Variants in RORA observed in about 807,000 individuals in gnomAD.
The protein encoded by RORA is RAR related orphan receptor A.
A neutral mutation model predicts 69.5 loss-of-function variants in RORA; 7 were observed. The ratio of observed to expected loss-of-function variants is 0.10; its 90% CI spans 0.06 to 0.19. The LOEUF (loss-of-function observed/expected upper bound fraction) is 0.19, where lower values mean the gene tolerates loss of function less well. Among genes scored for constraint, RORA ranks in the 10% least tolerant of loss-of-function variants. The pLI, the probability that RORA is intolerant of heterozygous loss-of-function variation, is 1.00. For synonymous variants in RORA, 261 were observed against 240.8 expected (o/e 1.08, Z -0.78); for missense variants, 457 against 663.0 (o/e 0.69, Z 3.41).
chr15:60,994,732 A>C (rs1294251618), intron 1 of RORA, among the ~76,000 whole-genome samples: 1 of 152,224 alleles, frequency 6.6e-6, no homozygotes, highest in East Asian at 1.9e-4. Context: ...ACTGTAGGTG[A>C]GATTGAAACC....
At chr15:60,849,084 T>G (rs1199609459) in intron 1 of RORA, 1 of 152,244 alleles carries the variant, frequency 6.6e-6, no homozygotes, top group Non-Finnish European at 1.5e-5. Context: ...GCTCCTCTAT[T>G]CCATCCTTCT....
intron 1 of RORA, among the ~76,000 whole-genome samples, chr15:61,184,817 C>CA (rs1267538902): frequency 1.3e-5 from 2 of 151,504 alleles, no homozygotes; most frequent in African/African-American, 4.9e-5. Flanking sequence ...GAGACCCCTA[C>CA]AAAAAATAAA....
chr15:60,805,848 C>G (rs574501183), intron 1 of RORA, among the ~76,000 whole-genome samples: 1 of 152,264 alleles, frequency 6.6e-6, no homozygotes, highest in South Asian at 2.1e-4. Context: ...TTCCAAAGAC[C>G]CTTTTATAGC....
intron 1 of RORA, among the ~76,000 whole-genome samples, chr15:60,895,219 C>T (rs370551503): frequency 6.6e-6 from 1 of 152,080 alleles, no homozygotes; most frequent in Non-Finnish European, 1.5e-5. Flanking sequence ...AGAAAGCGAA[C>T]GGAAGATCCA....
rs1295109574 is a variant in RORA at position 61,061,089 on chromosome 15, C to T, written c.166+167964G>A. Among the ~76,000 whole-genome samples the T allele has an allele frequency of 3.9e-5, 6 of 152,126 alleles. No individual in the cohort carries two copies. The highest frequency in any genetic ancestry group is 6.6e-5 in the Admixed American group (1 of 15,264). On this transcript the variant is annotated intron_variant, in intron 1 of 10. Coordinates refer to ENST00000335670, the MANE Select transcript of RORA (RefSeq NM_134261.3). The surrounding 1 kb of genome is among the most constrained non-coding windows in gnomAD (Gnocchi z 4.4). ...ATTGCAAGGGCTGGGCGCGGTGGCT[C>T]GTGCCTGTAATCCCAGCACTTTGGG... is the stretch of plus-strand genomic sequence containing the variant.
At chr15:60,596,991 C>T (rs2068680336) in intron 2 of RORA, among the ~76,000 whole-genome samples, 1 of 152,120 alleles carries the variant, frequency 6.6e-6, no homozygotes, top group Admixed American at 6.5e-5. Flanking sequence ...GACAGTAGCC[C>T]TGATTTTGAG....
intron 1 of RORA, among the ~76,000 whole-genome samples, chr15:61,076,506 T>C (rs555496268): frequency 2.0e-5 from 3 of 152,166 alleles, no homozygotes; most frequent in African/African-American, 7.2e-5. Context: ...AAGCTAAAGA[T>C]AGACTTAATT....
chr15:60,713,547 G>A (rs111864272), intron 1 of RORA, among the ~76,000 whole-genome samples: 66 of 152,158 alleles, frequency 4.3e-4, no homozygotes, highest in South Asian at 2.5e-3. Context: ...AAAAATACAC[G>A]CCCCCGTACA....
chr15:60,720,241 C>A (rs2071275029), intron 1 of RORA, among the ~76,000 whole-genome samples: 1 of 152,146 alleles, frequency 6.6e-6, no homozygotes. Flanking sequence ...CCTAACACAC[C>A]TGAATACATG....
At chr15:60,937,691 G>C in intron 1 of RORA, among the ~76,000 whole-genome samples, 1 of 152,138 alleles carries the variant, frequency 6.6e-6, no homozygotes, top group East Asian at 1.9e-4. Flanking sequence ...TTCTGAACCA[G>C]AACACCTGGT....
At chr15:60,527,843 C>G (rs1473841894) in intron 3 of RORA, among the ~76,000 whole-genome samples, 1 of 152,128 alleles carries the variant, frequency 6.6e-6, no homozygotes, top group Non-Finnish European at 1.5e-5. Flanking sequence ...ATGTGCTGTC[C>G]CCTAAATACA....
rs533303562 is a variant in RORA, at chr15:61,081,176, T to C, written c.166+147877A>G. The stretch of plus-strand genomic sequence containing the variant: ...CTGGGAATCAAAGCATTTATCCCCA[T>C]GAGATGTTTTCTAAAGGCCTGAGGG... On this transcript the variant is annotated intron_variant, in intron 1 of 10. Transcript: ENST00000335670. Among the ~76,000 whole-genome samples, 10 of 152,214 alleles carry C rather than the reference T, an allele frequency of 6.6e-5. 1 individual carries two copies. The highest frequency in any genetic ancestry group is 1.3e-4 in the Non-Finnish European group (9 of 68,040).
chr15:60,908,715 C>T (rs1195793165), intron 1 of RORA, among the ~76,000 whole-genome samples: 2 of 152,086 alleles, frequency 1.3e-5, no homozygotes, highest in Non-Finnish European at 2.9e-5. Flanking sequence ...TCACCACTGC[C>T]CCAGTAATGC....
chr15:60,770,208 G>C (rs146190741), intron 1 of RORA, among the ~76,000 whole-genome samples: 5,071 of 152,164 alleles, frequency 0.033, 118 homozygotes, highest in Non-Finnish European at 0.048. Context: ...GTTCAAAAAA[G>C]ATATTCCTTT....
intron 2 of RORA, among the ~76,000 whole-genome samples, chr15:60,562,163 G>A (rs181103122): frequency 8.2e-4 from 125 of 152,158 alleles, no homozygotes; most frequent in Non-Finnish European, 1.4e-3. Context: ...TCGAACTCCC[G>A]ACCTCAGGTG....
At chr15:60,993,475 CT>C (rs2140371893) in intron 1 of RORA, among the ~76,000 whole-genome samples, 1 of 152,044 alleles carries the variant, frequency 6.6e-6, no homozygotes, top group South Asian at 2.1e-4. Flanking sequence ...CCCATCTCTA[CT>C]AAGAATACAA....
intron 2 of RORA, among the ~76,000 whole-genome samples, chr15:60,565,891 C>A (rs996097498): frequency 1.6e-4 from 25 of 152,308 alleles, no homozygotes; most frequent in African/African-American, 5.3e-4. Context: ...TGTCACTCAC[C>A]TCCTGGCTTG....
chr15:60,678,515 T>C, intron 2 of RORA, 142 bp downstream of exon 2: 1 of 702,946 alleles, frequency 1.4e-6, no homozygotes, highest in South Asian at 1.7e-5. Context: ...TTCCGACCAC[T>C]ACAGATTGAA....
At chr15:61,017,450 CA>C (rs1895338291) in intron 1 of RORA, among the ~76,000 whole-genome samples, 1 of 152,174 alleles carries the variant, frequency 6.6e-6, no homozygotes, top group African/African-American at 2.4e-5. Flanking sequence ...AAAAACTATA[CA>C]TAAACTTGAC....
Sources: gnomAD v4.1 joint callset for allele counts (sites outside exome capture counted in the v4.1 genomes callset) on GRCh38, gnomAD v4.1.1 for gene constraint, Gnocchi (gnomAD v3.1) non-coding constraint, MANE v1.5 for transcripts, NCBI Gene and HGNC (gene_info 2026-07-23, HGNC 2026-07-21) for gene names.